The following ESR1 variants were observed in gnomAD, a reference collection of about 807,000 sequenced individuals.
ESR1 encodes estrogen receptor.
Under a neutral mutation model 52.7 loss-of-function variants are expected in ESR1, and 12 were observed. That is an observed-to-expected ratio of 0.23 (90% CI 0.15 to 0.37). The LOEUF (loss-of-function observed/expected upper bound fraction) is 0.37. Ranked by LOEUF, ESR1 falls within the 10% of genes least tolerant of loss-of-function variation. The probability of loss-of-function intolerance (pLI) is 1.00; values close to 1 mark genes in which losing one functional copy is unlikely to be tolerated. For synonymous variants in ESR1, 305 were observed against 316.8 expected (o/e 0.96, Z 0.39); for missense variants, 584 against 779.7 (o/e 0.75, Z 2.99).
intron 1 of ESR1, among the ~76,000 whole-genome samples, chr6:151,841,280 T>C (rs549746754): frequency 6.6e-6 from 1 of 152,264 alleles, no homozygotes; most frequent in Non-Finnish European, 1.5e-5. Context: ...CCTATCTGTA[T>C]CTTTTCCTAT....
At chr6:152,031,909 G>A (rs1246545778) in intron 5 of ESR1, among the ~76,000 whole-genome samples, 5 of 152,216 alleles carry the variant, frequency 3.3e-5, no homozygotes, top group African/African-American at 7.2e-5. Context: ...CTGGCAAACC[G>A]AATCCAGCAG....
At chr6:151,832,349 T>C (rs534350240) in intron 1 of ESR1, among the ~76,000 whole-genome samples, 1 of 152,296 alleles carries the variant, frequency 6.6e-6, no homozygotes, top group East Asian at 1.9e-4. Flanking sequence ...TTAGGTAGAG[T>C]CCTTCTTGTC....
At chr6:151,823,369 A>G (rs1478646446) in intron 1 of ESR1, among the ~76,000 whole-genome samples, 1 of 134,460 alleles carries the variant, frequency 7.4e-6, no homozygotes, top group Non-Finnish European at 1.8e-5. Context: ...TAAACCTACA[A>G]TGACATTGCT....
chr6:151,872,073 T>A (rs1791069681), intron 2 of ESR1, among the ~76,000 whole-genome samples: 1 of 152,202 alleles, frequency 6.6e-6, no homozygotes, highest in Non-Finnish European at 1.5e-5. Context: ...GAGTTTCTGC[T>A]TTCAATTATT....
intron 4 of ESR1, among the ~76,000 whole-genome samples, chr6:151,969,815 G>T (rs921606651): frequency 3.9e-5 from 6 of 152,050 alleles, no homozygotes; most frequent in Admixed American, 1.3e-4. Flanking sequence ...ATTGTCTCAG[G>T]CAAATCTCCT....
At chr6:152,082,400 CA>C (rs1451141620) in intron 6 of ESR1, among the ~76,000 whole-genome samples, 11 of 152,230 alleles carry the variant, frequency 7.2e-5, no homozygotes, top group African/African-American at 2.4e-4. Flanking sequence ...AGGCCTTTGA[CA>C]AAATTCAACA....
At chr6:151,658,409 G>A (rs1272218092) in intron 1 of ESR1, among the ~76,000 whole-genome samples, 1 of 152,098 alleles carries the variant, frequency 6.6e-6, no homozygotes, top group Non-Finnish European at 1.5e-5. Context: ...GCACACCAGT[G>A]CTATTGTTTG....
intron 4 of ESR1, among the ~76,000 whole-genome samples, chr6:151,987,180 C>T (rs536664018): frequency 3.2e-4 from 48 of 152,150 alleles, no homozygotes; most frequent in African/African-American, 1.1e-3. Context: ...GCTTGAGTGT[C>T]GTTGAGATGC....
intron 4 of ESR1, among the ~76,000 whole-genome samples, chr6:151,944,847 G>T (rs1288200946): frequency 6.6e-6 from 1 of 152,096 alleles, no homozygotes; most frequent in Admixed American, 6.5e-5. Flanking sequence ...AACACTAAAT[G>T]AACTACAAAA....
chr6:151,696,460 A>G (rs1009392513), intron 1 of ESR1, among the ~76,000 whole-genome samples: 2 of 148,926 alleles, frequency 1.3e-5, no homozygotes, highest in Admixed American at 1.4e-4. Context: ...AGACATAGAG[A>G]GACTCCATCT....
At chr6:151,817,087 AAAG>A (rs1225908043) in intron 1 of ESR1, among the ~76,000 whole-genome samples, 2 of 152,134 alleles carry the variant, frequency 1.3e-5, no homozygotes, top group African/African-American at 4.8e-5. Context: ...GAACTGTGAG[AAAG>A]AAGGAGTTGG....
chr6:151,997,416 G>T (rs1216303745), intron 4 of ESR1, among the ~76,000 whole-genome samples: 2 of 152,106 alleles, frequency 1.3e-5, no homozygotes, highest in Non-Finnish European at 2.9e-5. Context: ...AACTTGGAAT[G>T]CTTTTTACAC....
intron 2 of ESR1, among the ~76,000 whole-genome samples, chr6:151,781,679 G>T (rs964561817): frequency 2.6e-5 from 4 of 152,068 alleles, no homozygotes; most frequent in Admixed American, 2.6e-4. Flanking sequence ...TTTGCTAACT[G>T]CTACACACCC....
At chr6:151,690,283 C>T (rs1221209753), upstream of ESR1, among the ~76,000 whole-genome samples, 1 of 152,084 alleles carries the variant, frequency 6.6e-6, no homozygotes, top group Non-Finnish European at 1.5e-5. Flanking sequence ...AGAAAATCGG[C>T]TGGATGGCAT....
At chr6:152,028,868 G>A (rs1481813502) in intron 5 of ESR1, among the ~76,000 whole-genome samples, 6 of 152,310 alleles carry the variant, frequency 3.9e-5, no homozygotes, top group South Asian at 2.1e-4. Context: ...CCTGACCCCC[G>A]AGTAGCCTAA....
At chr6:151,968,725 C>G (rs972030230) in intron 4 of ESR1, among the ~76,000 whole-genome samples, 1 of 152,098 alleles carries the variant, frequency 6.6e-6, no homozygotes, top group African/African-American at 2.4e-5. Flanking sequence ...CCATGCCTCT[C>G]CCTACACTGG....
upstream of ESR1, among the ~76,000 whole-genome samples, chr6:151,689,924 ACAAT>A (rs200281478): frequency 6.9e-3 from 1,055 of 152,330 alleles, 9 homozygotes; most frequent in African/African-American, 0.024. Context: ...TGTTAAACAA[ACAAT>A]CAATAACCTC....
intron 6 of ESR1, among the ~76,000 whole-genome samples, chr6:152,078,464 A>G (rs2048922278): frequency 6.6e-6 from 1 of 152,116 alleles, no homozygotes; most frequent in Non-Finnish European, 1.5e-5. Flanking sequence ...TGTCAGGAAA[A>G]CATTTTTTTT....
intron 2 of ESR1, among the ~76,000 whole-genome samples, chr6:151,848,493 T>A (rs3866462): frequency 0.41 from 60,321 of 146,396 alleles, 12,457 homozygotes; most frequent in Non-Finnish European, 0.44. Context: ...AAAAAAAATT[T>A]AAAAAAAAAA....
Sources: allele counts gnomAD v4.1 joint callset (sites outside exome capture counted in the v4.1 genomes callset), GRCh38; gene constraint gnomAD v4.1.1; transcripts MANE v1.5; gene names NCBI Gene and HGNC (gene_info 2026-07-23, HGNC 2026-07-21).